Variants in NBEA observed in about 807,000 individuals in gnomAD.
NBEA encodes neurobeachin.
A neutral mutation model predicts 343.4 loss-of-function variants in NBEA; 44 were observed. The ratio of observed to expected loss-of-function variants is 0.13; its 90% CI spans 0.10 to 0.16. The LOEUF (loss-of-function observed/expected upper bound fraction) is 0.16, where lower values mean the gene tolerates loss of function less well. NBEA is among the 10% of genes least tolerant of loss of function. The pLI is 1.00. For synonymous variants in NBEA, 1,175 were observed against 1,238.7 expected (o/e 0.95, Z 1.08); for missense variants, 2,555 against 3,631.3 (o/e 0.70, Z 7.62).
chr13:35,429,296 G>A (rs2044929124), intron 38 of NBEA, among the ~76,000 whole-genome samples: 1 of 152,208 alleles, frequency 6.6e-6, no homozygotes, highest in Admixed American at 6.5e-5. Flanking sequence ...GAGGGTACAT[G>A]TCTGGGTTTC....
At chr13:35,410,196 C>T (rs1241354803) in intron 38 of NBEA, among the ~76,000 whole-genome samples, 1 of 152,086 alleles carries the variant, frequency 6.6e-6, no homozygotes, top group African/African-American at 2.4e-5. Context: ...ATTATAAAAT[C>T]CTATCTTTCC....
At chr13:35,032,723 T>C (rs2062280806) in intron 1 of NBEA, among the ~76,000 whole-genome samples, 1 of 151,858 alleles carries the variant, frequency 6.6e-6, no homozygotes, top group Admixed American at 6.6e-5. Context: ...TGATATCTCA[T>C]TGTAGTTTTG....
chr13:35,315,055 C>G (rs1403129088), intron 36 of NBEA, among the ~76,000 whole-genome samples: 1 of 152,124 alleles, frequency 6.6e-6, no homozygotes, highest in Non-Finnish European at 1.5e-5. Flanking sequence ...ATGCTTTTAT[C>G]CCATTTGCAT....
intron 38 of NBEA, among the ~76,000 whole-genome samples, chr13:35,397,418 T>C (rs2042796425): frequency 6.6e-6 from 1 of 152,222 alleles, no homozygotes; most frequent in South Asian, 2.1e-4. Flanking sequence ...ATCTCATGAC[T>C]AAGCTTTATT....
At chr13:35,579,521 G>T (rs1238336999) in intron 45 of NBEA, among the ~76,000 whole-genome samples, 1 of 151,962 alleles carries the variant, frequency 6.6e-6, no homozygotes, top group East Asian at 1.9e-4. Flanking sequence ...AGAGGAAACA[G>T]CAAAATGAAA....
chr13:35,618,448 T>C (rs1489257714), intron 48 of NBEA, among the ~76,000 whole-genome samples: 2 of 152,336 alleles, frequency 1.3e-5, no homozygotes, highest in East Asian at 1.9e-4. Flanking sequence ...AGCAGTACTT[T>C]GTTGTTTAAG....
chr13:35,357,285 GTTTTTC>G (rs1263325181), intron 38 of NBEA, among the ~76,000 whole-genome samples: 2 of 150,766 alleles, frequency 1.3e-5, no homozygotes, highest in African/African-American at 4.9e-5. Context: ...AGGTTTTTTT[GTTTTTC>G]TTTTTTGTTG....
intron 51 of NBEA, 97 bp downstream of exon 51, chr13:35,646,445 C>T: frequency 1.1e-6 from 1 of 870,536 alleles, no homozygotes; most frequent in Non-Finnish European, 1.8e-6. Flanking sequence ...TTTTAAAAGG[C>T]TTCTCGATTT....
At chr13:35,424,757 C>T (rs1410505969) in intron 38 of NBEA, among the ~76,000 whole-genome samples, 5 of 152,098 alleles carry the variant, frequency 3.3e-5, no homozygotes, top group South Asian at 2.1e-4. Flanking sequence ...TGGTAGAATT[C>T]GGCTGTGAAT....
Position 35,290,469 on chromosome 13 carries a change from T to C in NBEA, c.5838+19T>C. On this transcript the variant is annotated intron_variant, in intron 35 of 58. Transcript: ENST00000379939. ...TTCTCAGGTACAAAATCCCATTCAC[T>C]CAGTTACATTAATATATGAGGGTTT... The C allele has an allele frequency of 1.3e-6, 2 of 1,578,356 alleles. No individual in the cohort carries two copies. The highest frequency in any genetic ancestry group is 1.7e-6 in the Non-Finnish European group (2 of 1,151,216).
At chr13:35,338,866 C>G (rs1039844988) in intron 36 of NBEA, among the ~76,000 whole-genome samples, 4 of 151,982 alleles carry the variant, frequency 2.6e-5, no homozygotes, top group African/African-American at 9.7e-5. Context: ...CAACGTAATA[C>G]ACCATATTGC....
intron 48 of NBEA, among the ~76,000 whole-genome samples, chr13:35,625,399 G>T (rs1233502257): frequency 6.6e-6 from 1 of 152,070 alleles, no homozygotes; most frequent in Non-Finnish European, 1.5e-5. Context: ...GGCGGATCAC[G>T]TGAGCTCAGG....
intron 7 of NBEA, among the ~76,000 whole-genome samples, chr13:35,056,817 G>A (rs1272711691): frequency 1.3e-5 from 2 of 152,134 alleles, no homozygotes; most frequent in East Asian, 1.9e-4. Context: ...ATCCTTGGAA[G>A]GTTTTCAGCA....
At chr13:35,424,227 C>A (rs2044495004) in intron 38 of NBEA, among the ~76,000 whole-genome samples, 1 of 152,092 alleles carries the variant, frequency 6.6e-6, no homozygotes, top group African/African-American at 2.4e-5. Context: ...TGTCTTGTGC[C>A]AGTTTTCAAA....
chr13:35,467,650 GA>G (rs2075445445), intron 40 of NBEA, among the ~76,000 whole-genome samples: 1 of 152,026 alleles, frequency 6.6e-6, no homozygotes, highest in Non-Finnish European at 1.5e-5. Context: ...TGAACATAAA[GA>G]ATTTCAGATT....
At chr13:35,568,683 T>C (rs2080249829) in intron 45 of NBEA, among the ~76,000 whole-genome samples, 1 of 152,206 alleles carries the variant, frequency 6.6e-6, no homozygotes. Context: ...ATTTTGGATC[T>C]TTCTGGATTT....
intron 2 of NBEA, 130 bp from the exon 3 acceptor site, chr13:35,044,817 T>C: frequency 1.1e-5 from 4 of 348,818 alleles, no homozygotes; most frequent in African/African-American, 2.3e-5. Context: ...ATTAGATACA[T>C]ATATATATAT....
chr13:35,511,714 A>G (rs910111403), intron 41 of NBEA, among the ~76,000 whole-genome samples: 4 of 152,204 alleles, frequency 2.6e-5, no homozygotes, highest in Non-Finnish European at 5.9e-5. Context: ...CTATGTTAAT[A>G]CACTCTTCAA....
intron 34 of NBEA, among the ~76,000 whole-genome samples, chr13:35,237,652 T>A (rs1182145730): frequency 6.6e-6 from 1 of 152,116 alleles, no homozygotes; most frequent in East Asian, 1.9e-4. Flanking sequence ...TATAAATATG[T>A]GTGTGTGTGG....
Sources: gnomAD v4.1 joint callset for allele counts (sites outside exome capture counted in the v4.1 genomes callset) on GRCh38, gnomAD v4.1.1 for gene constraint, MANE v1.5 for transcripts, NCBI Gene and HGNC (gene_info 2026-07-23, HGNC 2026-07-21) for gene names.